Variants in ZNF430 observed in about 807,000 individuals in gnomAD.
ZNF430 encodes the protein zinc finger protein 430.
Under a neutral mutation model 56.7 loss-of-function variants are expected in ZNF430, and 35 were observed. The observed-to-expected ratio is 0.62, with a 90% CI of 0.47 to 0.82. The LOEUF is 0.82. ZNF430 is among the 40% of genes least tolerant of loss of function. The pLI is 0.00. For synonymous variants in ZNF430, 212 were observed against 224.3 expected (o/e 0.94, Z 0.49); for missense variants, 574 against 661.0 (o/e 0.87, Z 1.44).
chr19:21,054,603 A>G (rs1434259063), intron 4 of ZNF430, among the ~76,000 whole-genome samples: 1 of 139,694 alleles, frequency 7.2e-6, no homozygotes, highest in Non-Finnish European at 1.6e-5. Flanking sequence ...GTGCTTATAT[A>G]TGTGTTTGTT....
chr19:21,049,930 CTT>C (rs796133254), intron 4 of ZNF430, among the ~76,000 whole-genome samples: 4 of 70,282 alleles, frequency 5.7e-5, no homozygotes, highest in African/African-American at 1.0e-4. Context: ...TTATTCTTCT[CTT>C]TTTTTTTTTT....
At chr19:21,040,451 A>G (rs1200763974) in intron 4 of ZNF430, among the ~76,000 whole-genome samples, 1 of 152,162 alleles carries the variant, frequency 6.6e-6, no homozygotes, top group Admixed American at 6.6e-5. Context: ...CATTAAAATA[A>G]CCTGTCTCCT....
chr19:21,033,467 A>G lies in ZNF430; in HGVS notation c.108A>G (p.Thr36=). 6.2e-7 allele frequency: 1 copy of G among 1,610,630 alleles called. No homozygotes were observed. Among genetic ancestry groups the G allele is most frequent in the Admixed American group, 1.7e-5 (1 of 59,756 alleles). The stretch of plus-strand genomic sequence containing the variant: ...CTTGTGTTTTTCAGGGGCCATTGAC[A>G]TTTAGGGATGTGGCCATAGAATTTT... ...VYSFYEKGPL[T]FRDVAIEFSL... The change falls in exon 3 of 5, where the codon ACA becomes ACG. Residue 36 remains threonine (T), a synonymous_variant. Coordinates refer to ENST00000261560, the MANE Select transcript of ZNF430 (RefSeq NM_025189.4).
intron 4 of ZNF430, among the ~76,000 whole-genome samples, chr19:21,038,113 GA>G (rs1968035831): frequency 6.6e-6 from 1 of 151,802 alleles, no homozygotes; most frequent in Non-Finnish European, 1.5e-5. Flanking sequence ...TCTTATCTAA[GA>G]AAATGGTGCC....
In ZNF430 at chr19:21,050,719, A is replaced by G. The variant is rs547225742; in HGVS notation, c.323-5912A>G. On this transcript the variant is annotated intron_variant, in intron 4 of 4. Coordinates refer to ENST00000261560, the MANE Select transcript of ZNF430 (RefSeq NM_025189.4). ...TCAGAACCACATAACAAAATTTATT[A>G]TCAAACATTTTAAAATATGCTGTTT... Among the ~76,000 whole-genome samples the G allele has an allele frequency of 2.8e-4, 43 of 152,312 alleles. 1 individual carries two copies. Among genetic ancestry groups the G allele is most frequent in the African/African-American group, 9.1e-4 (38 of 41,570 alleles).
In ZNF430 at chr19:21,040,707, T is replaced by A. The variant is rs573665655; in HGVS notation, c.322+6523T>A. ...TGTCTGTTTTCTTACTGATCTTTTA[T>A]CTAAATTTTCTATTTATTATTGCAA... On this transcript the variant is annotated intron_variant, in intron 4 of 4. Transcript: ENST00000261560. 2.0e-5 allele frequency among the ~76,000 whole-genome samples: 3 copies of A among 152,378 alleles called. No homozygotes were observed. In the South Asian group the frequency reaches 6.2e-4, roughly 32 times the overall value.
intron 2 of ZNF430, among the ~76,000 whole-genome samples, chr19:21,030,916 T>G (rs1462740513): frequency 3.3e-5 from 5 of 152,148 alleles, no homozygotes; most frequent in Non-Finnish European, 5.9e-5. Flanking sequence ...AGGATCTCAC[T>G]CTGTCACCCA....
intron 4 of ZNF430, among the ~76,000 whole-genome samples, chr19:21,045,593 C>T (rs1051382671): frequency 6.6e-6 from 1 of 152,014 alleles, no homozygotes; most frequent in Non-Finnish European, 1.5e-5. Flanking sequence ...TCCATTTGAC[C>T]CAAAGCTGAG....
chr19:21,022,028 G>T (rs1053362084), intron 1 of ZNF430, among the ~76,000 whole-genome samples: 1 of 151,926 alleles, frequency 6.6e-6, no homozygotes, highest in Non-Finnish European at 1.5e-5. Context: ...AGTAGAGACG[G>T]GGTTTCACCA....
chr19:21,044,219 C>T (rs1025448103), intron 4 of ZNF430, among the ~76,000 whole-genome samples: 1 of 151,864 alleles, frequency 6.6e-6, no homozygotes, highest in African/African-American at 2.4e-5. Flanking sequence ...GCTGTGGGTT[C>T]ATCATAAATG....
At position 21,058,063 on chromosome 19, in the gene ZNF430, A is replaced by C. The variant is rs1223860327; in HGVS notation, c.*42A>C. 6.5e-7 allele frequency: 1 copy of C among 1,539,674 alleles called. No individual in the cohort carries two copies. The highest frequency in any genetic ancestry group is 1.2e-5 in the South Asian group (1 of 83,492). ...TCTAACCCGTCCTGAATTCTTACTA[A>C]ACATAAGAACATTCATACTGAAGAG... On this transcript the variant is annotated 3_prime_UTR_variant, in exon 5 of 5. Transcript: ENST00000261560.
intron 3 of ZNF430, 35 bp downstream of exon 3, chr19:21,033,617 C>A: frequency 2.0e-6 from 3 of 1,527,734 alleles, no homozygotes; most frequent in East Asian, 2.4e-5. Flanking sequence ...TACTAGTATA[C>A]CCTAAAGGTT....
At chr19:21,021,310 C>G (rs776904208) in intron 1 of ZNF430, among the ~76,000 whole-genome samples, 1 of 152,030 alleles carries the variant, frequency 6.6e-6, no homozygotes, top group African/African-American at 2.4e-5. Context: ...ACCAGCCTGG[C>G]CAGCATAGTG....
At chr19:21,028,677 G>T (rs1029271745) in intron 2 of ZNF430, among the ~76,000 whole-genome samples, 4 of 151,744 alleles carry the variant, frequency 2.6e-5, no homozygotes, top group Admixed American at 6.6e-5. Context: ...TGTGTGTGTG[G>T]TTTTTTTAGG....
At chr19:21,043,578 CT>C (rs1968143137) in intron 4 of ZNF430, among the ~76,000 whole-genome samples, 2 of 152,022 alleles carry the variant, frequency 1.3e-5, no homozygotes, top group Non-Finnish European at 2.9e-5. Flanking sequence ...GTTCTTTTTG[CT>C]TAGAATTTTC....
chr19:21,028,534 G>T (rs1471773682), intron 2 of ZNF430, among the ~76,000 whole-genome samples: 1 of 152,168 alleles, frequency 6.6e-6, no homozygotes, highest in Non-Finnish European at 1.5e-5. Context: ...TCAGCCCAGG[G>T]TCACTAAGAA....
chr19:21,033,383 T>G lies in ZNF430; in HGVS notation c.97-73T>G, dbSNP rs926615089. 1.6e-4 allele frequency: 241 copies of G among 1,527,166 alleles called. 1 individual carries two copies. In the Admixed American group the frequency reaches 4.9e-3, roughly 31 times the overall value. The allele number at this position is 1,527,166 out of a possible 1,614,324, so 94.6% of individuals were successfully genotyped here. A position where few individuals can be genotyped will look rare whatever the true frequency, so the allele number is the denominator to read the frequency against. On this transcript the variant is annotated intron_variant, in intron 2 of 4. Coordinates refer to ENST00000261560, the MANE Select transcript of ZNF430 (RefSeq NM_025189.4). Reference sequence around the variant, plus strand: ...TTCTCTTTATTCTGTCATTTCACTTTAATTCAAATAATAAATTCTGCCCGT... The same window carrying G: ...TTCTCTTTATTCTGTCATTTCACTTGAATTCAAATAATAAATTCTGCCCGT...
chr19:21,023,467 T>C (rs945699009), intron 2 of ZNF430, among the ~76,000 whole-genome samples: 22 of 152,218 alleles, frequency 1.4e-4, no homozygotes, highest in African/African-American at 4.8e-4. Context: ...AAAAAAATAG[T>C]ATCTAATAAT....
At chr19:21,020,997 C>T (rs77483304) in intron 1 of ZNF430, among the ~76,000 whole-genome samples, 194 bp downstream of exon 1, 4,981 of 152,248 alleles carry the variant, frequency 0.033, 250 homozygotes, top group African/African-American at 0.11. Context: ...CAGCACGTCC[C>T]GTCTCTTCCT....
Sources: gnomAD v4.1 joint callset for allele counts (sites outside exome capture counted in the v4.1 genomes callset) on GRCh38, gnomAD v4.1.1 for gene constraint, MANE v1.5 for transcripts, NCBI Gene and HGNC (gene_info 2026-07-23, HGNC 2026-07-21) for gene names.